Variants in RIT2 observed in about 807,000 individuals in gnomAD.
The protein encoded by RIT2 is GTP-binding protein Rit2.
In RIT2, 24 loss-of-function variants were observed where a neutral mutation model predicts 23.7. The observed-to-expected ratio is 1.01, with a 90% confidence interval of 0.73 to 1.43. RIT2 has a LOEUF of 1.43. RIT2 is among the 40% of genes most tolerant of loss of function. RIT2 has a pLI of 0.00. For synonymous variants in RIT2, 107 were observed against 91.1 expected (o/e 1.17, Z -0.99); for missense variants, 236 against 266.9 (o/e 0.88, Z 0.81).
intron 3 of RIT2, among the ~76,000 whole-genome samples, chr18:42,959,534 C>T (rs1257887511): frequency 1.3e-5 from 2 of 152,132 alleles, no homozygotes; most frequent in East Asian, 1.9e-4. Flanking sequence ...TTATCTTTCT[C>T]CTTTTTCAAT....
intron 2 of RIT2, among the ~76,000 whole-genome samples, chr18:42,979,089 C>T (rs1311940503): frequency 1.3e-5 from 2 of 151,920 alleles, no homozygotes; most frequent in Non-Finnish European, 2.9e-5. Context: ...ATGTTTTTCC[C>T]AAGTAAATCA....
At chr18:42,872,929 T>G (rs1469233754) in intron 4 of RIT2, among the ~76,000 whole-genome samples, 1 of 152,214 alleles carries the variant, frequency 6.6e-6, no homozygotes, top group Non-Finnish European at 1.5e-5. Context: ...GTTTGTAGTG[T>G]ACTATAGATG....
chr18:42,959,307 T>C (rs1910045085), intron 3 of RIT2, among the ~76,000 whole-genome samples: 1 of 152,210 alleles, frequency 6.6e-6, no homozygotes, highest in Non-Finnish European at 1.5e-5. Context: ...AAAACAGTCA[T>C]TTTAAGACAA....
chr18:43,053,466 G>T (rs1912431062), intron 1 of RIT2, among the ~76,000 whole-genome samples: 3 of 152,056 alleles, frequency 2.0e-5, no homozygotes, highest in Admixed American at 6.6e-5. Flanking sequence ...TATAAAATGG[G>T]TATAGGATTG....
chr18:43,078,362 G>A (rs888419811), intron 1 of RIT2, among the ~76,000 whole-genome samples: 1 of 152,146 alleles, frequency 6.6e-6, no homozygotes, highest in Non-Finnish European at 1.5e-5. Flanking sequence ...CTAGAGAGAA[G>A]GGTCTACATA....
chr18:43,097,547 T>C (rs1913583269), intron 1 of RIT2, among the ~76,000 whole-genome samples: 1 of 151,912 alleles, frequency 6.6e-6, no homozygotes, highest in Admixed American at 6.6e-5. Context: ...GTAGGATATC[T>C]TATGCAAAAG....
At chr18:43,036,210 T>G (rs1256402069) in intron 1 of RIT2, among the ~76,000 whole-genome samples, 1 of 152,136 alleles carries the variant, frequency 6.6e-6, no homozygotes, top group Non-Finnish European at 1.5e-5. Context: ...CAGAAATAAA[T>G]GAATCAGTCA....
chr18:42,936,911 CTG>C (rs1909473772), intron 3 of RIT2, among the ~76,000 whole-genome samples: 1 of 151,738 alleles, frequency 6.6e-6, no homozygotes, highest in East Asian at 2.0e-4. Flanking sequence ...ACTCAGGAAA[CTG>C]AGGCAGGGGA....
At chr18:43,054,663 C>T (rs1437094962) in intron 1 of RIT2, among the ~76,000 whole-genome samples, 1 of 152,072 alleles carries the variant, frequency 6.6e-6, no homozygotes, top group Non-Finnish European at 1.5e-5. Flanking sequence ...AACCCATCTG[C>T]TTTCCTAGTC....
intron 4 of RIT2, among the ~76,000 whole-genome samples, chr18:42,782,781 C>G (rs1913840740): frequency 6.6e-6 from 1 of 152,042 alleles, no homozygotes; most frequent in Admixed American, 6.6e-5. Context: ...GGTAGGGAAT[C>G]TAAATGTTTC....
chr18:43,053,062 T>C (rs1912420867), intron 1 of RIT2, among the ~76,000 whole-genome samples: 1 of 152,110 alleles, frequency 6.6e-6, no homozygotes, highest in African/African-American at 2.4e-5. Context: ...GTCTGGCATA[T>C]GTTCTTCATC....
intron 2 of RIT2, among the ~76,000 whole-genome samples, chr18:43,015,022 G>T (rs953451611): frequency 2.6e-5 from 4 of 151,690 alleles, no homozygotes; most frequent in Non-Finnish European, 4.4e-5. Context: ...AGGCATGCTT[G>T]TTTTGTATTA....
intron 4 of RIT2, among the ~76,000 whole-genome samples, chr18:42,896,784 A>G (rs1908341763): frequency 6.6e-6 from 1 of 152,206 alleles, no homozygotes; most frequent in African/African-American, 2.4e-5. Flanking sequence ...GAACTCCAGT[A>G]TGTTTAATTA....
chr18:43,046,770 A>C (rs1351809613), intron 1 of RIT2, among the ~76,000 whole-genome samples: 2 of 152,192 alleles, frequency 1.3e-5, no homozygotes, highest in Non-Finnish European at 2.9e-5. Flanking sequence ...CTCAACCAAA[A>C]CAACATACTT....
chr18:43,013,631 T>G (rs1157172726), intron 2 of RIT2, among the ~76,000 whole-genome samples: 2 of 151,866 alleles, frequency 1.3e-5, no homozygotes, highest in African/African-American at 4.8e-5. Context: ...TATACAGTGC[T>G]GAAGTATTAG....
intron 4 of RIT2, among the ~76,000 whole-genome samples, chr18:42,899,652 C>A (rs1213510982): frequency 2.0e-5 from 3 of 151,976 alleles, no homozygotes; most frequent in Admixed American, 2.0e-4. Context: ...AAAAGCTCAG[C>A]TTTGGGACAT....
intron 4 of RIT2, among the ~76,000 whole-genome samples, chr18:42,823,192 C>A (rs1001832198): frequency 2.0e-5 from 3 of 152,122 alleles, no homozygotes; most frequent in East Asian, 3.9e-4. Flanking sequence ...AGAAAAATTT[C>A]TCTGAGTGCT....
At chr18:42,802,560 T>C (rs1407729140) in intron 4 of RIT2, among the ~76,000 whole-genome samples, 2 of 152,114 alleles carry the variant, frequency 1.3e-5, no homozygotes. Flanking sequence ...ATTGACAAGA[T>C]AAAAAATGAA....
chr18:43,077,248 T>C (rs572726428), intron 1 of RIT2, among the ~76,000 whole-genome samples: 1 of 152,318 alleles, frequency 6.6e-6, no homozygotes, highest in East Asian at 1.9e-4. Context: ...GTGTTTTCTA[T>C]GTATACGTAC....
Sources: allele counts gnomAD v4.1 joint callset (sites outside exome capture counted in the v4.1 genomes callset), GRCh38; gene constraint gnomAD v4.1.1; transcripts MANE v1.5; gene names NCBI Gene and HGNC (gene_info 2026-07-23, HGNC 2026-07-21).